SLC6A16: variants seen among roughly 807,000 people sequenced by gnomAD.
The protein encoded by SLC6A16 is orphan sodium- and chloride-dependent neurotransmitter transporter NTT5.
SLC6A16 carries 54 observed loss-of-function variants against 65.4 expected under a neutral mutation model. The observed-to-expected ratio is 0.83, with a 90% CI of 0.66 to 1.04. The LOEUF (loss-of-function observed/expected upper bound fraction) is 1.04, where lower values mean the gene tolerates loss of function less well. Among genes scored for constraint, SLC6A16 ranks in the 50% least tolerant of loss-of-function variants. The probability of loss-of-function intolerance (pLI) is 0.00; values close to 1 mark genes in which losing one functional copy is unlikely to be tolerated. For synonymous variants in SLC6A16, 330 were observed against 346.5 expected, an observed-to-expected ratio of 0.95 and a Z score of 0.53; for missense variants, 816 against 914.0, an observed-to-expected ratio of 0.89 and a Z score of 1.38.
chr19:49,325,090 C>T lies in SLC6A16; in HGVS notation c.-107G>A, dbSNP rs1970777841. ...TGCCAGGTTCTTCAGTCCAGCCAGT[C>T]GGACAAAAATGAGGGTGAAGAAGCC... On this transcript the variant is annotated 5_prime_UTR_variant, in exon 1 of 12. Transcript: ENST00000335875. 14 of 985,504 alleles carry T rather than the reference C, an allele frequency of 1.4e-5. No homozygotes were observed. Among genetic ancestry groups the T allele is most frequent in the African/African-American group, 5.2e-5 (3 of 57,248 alleles). 61.0% of individuals were successfully genotyped at this position (985,504 alleles called of 1,614,324 possible).
intron 9 of SLC6A16, 54 bp downstream of exon 9, chr19:49,293,773 C>T: frequency 6.7e-7 from 1 of 1,500,194 alleles, no homozygotes; most frequent in South Asian, 1.1e-5. Context: ...AAAAGAGTCC[C>T]AGTGGTGTCA....
Position 49,290,335 on chromosome 19 carries a change from A to G in SLC6A16, c.1999T>C (p.Phe667Leu). Residue 667 changes from phenylalanine (F) to leucine (L), a missense_variant, in exon 12 of 12, where the codon TTT becomes CTT. Coordinates refer to ENST00000335875, the MANE Select transcript of SLC6A16 (RefSeq NM_014037.3). ...GGGATGGGGAGGATGACAATGGCAA[A>G]AAGGGTGATCATCAAGAGCAGTGCC... ...PWALLLMITL[F>L]AIVILPIPAY... is the part of the protein sequence containing the mutation. 1.2e-6 allele frequency: 2 copies of G among 1,614,088 alleles called. No homozygotes were observed. The highest frequency in any genetic ancestry group is 1.7e-6 in the Non-Finnish European group (2 of 1,180,016).
the SLC6A16 span, among the ~76,000 whole-genome samples, chr19:49,333,804 G>T: frequency 6.6e-6 from 1 of 152,182 alleles, no homozygotes; most frequent in African/African-American, 2.4e-5. Context: ...TAGATGGTGG[G>T]GCTGCCTCAG....
chr19:49,291,694 T>C (rs1246078967), intron 10 of SLC6A16, among the ~76,000 whole-genome samples: 1 of 152,052 alleles, frequency 6.6e-6, no homozygotes, highest in Non-Finnish European at 1.5e-5. Context: ...GGGAAACTTA[T>C]CTAGTTTATT....
Position 49,310,072 on chromosome 19 carries a change from T to C in SLC6A16, c.668A>G (p.Lys223Arg). 1 of 1,614,152 alleles carries C rather than the reference T, an allele frequency of 6.2e-7. No individual in the cohort carries two copies. The highest frequency in any genetic ancestry group is 8.5e-7 in the Non-Finnish European group (1 of 1,180,038). Residue 223 changes from lysine (K) to arginine (R), a missense_variant, in exon 4 of 12, where the codon AAA (lysine) becomes AGA (arginine). Coordinates refer to ENST00000335875, the MANE Select transcript of SLC6A16 (RefSeq NM_014037.3). ...QSFQFPVPWE[K>R]CPLTMNSSGF... is the part of the protein sequence containing the mutation. ...ACTAGAGTTCATCGTTAAGGGACATTTCTCCCATGGAACGGGAAACTGGAA... is the reference window on the plus strand; with the variant it reads ...ACTAGAGTTCATCGTTAAGGGACATCTCTCCCATGGAACGGGAAACTGGAA...
At chr19:49,311,924 G>A (rs903160770) in intron 1 of SLC6A16, among the ~76,000 whole-genome samples, 2 of 150,972 alleles carry the variant, frequency 1.3e-5, no homozygotes, top group African/African-American at 4.9e-5. Flanking sequence ...CCAAGAGTCA[G>A]GAATCCCTGA....
the SLC6A16 span, among the ~76,000 whole-genome samples, chr19:49,330,759 T>C: frequency 6.6e-6 from 1 of 152,034 alleles, no homozygotes; most frequent in Admixed American, 6.5e-5. Context: ...CTGGCCAACA[T>C]GGTGAAACCC....
At position 49,294,350 on chromosome 19, in the gene SLC6A16, C is replaced by T. The variant is rs750252497; in HGVS notation, c.1416+17G>A. Reference sequence around the variant, plus strand: ...TTTCAGGAACTCTAGGCTCCCCCCTCAGCTATGTTTACTGACCTTAAGAAA... The same window carrying T: ...TTTCAGGAACTCTAGGCTCCCCCCTTAGCTATGTTTACTGACCTTAAGAAA... On this transcript the variant is annotated intron_variant, in intron 8 of 11. Transcript: ENST00000335875. 6.2e-7 allele frequency: 1 copy of T among 1,612,242 alleles called. No homozygotes were observed. Among genetic ancestry groups the T allele is most frequent in the Non-Finnish European group, 8.5e-7 (1 of 1,178,954 alleles).
At chr19:49,339,961 G>C in the SLC6A16 span, 4 of 1,409,600 alleles carry the variant, frequency 2.8e-6, no homozygotes, top group Non-Finnish European at 3.7e-6. The surrounding 1 kb of genome is among the most constrained non-coding windows in gnomAD (Gnocchi z 4.5). Flanking sequence ...ACAATTAGAG[G>C]CTGAGGCAGA....
Position 49,311,226 on chromosome 19 carries a change from G to C in SLC6A16, c.122C>G (p.Ser41Cys). Residue 41 changes from serine (S) to cysteine (C), a missense_variant, in exon 2 of 12, where the codon TCT (serine) becomes TGT (cysteine). By Grantham distance (112) the Ser-to-Cys change is moderately radical. Coordinates refer to ENST00000335875, the MANE Select transcript of SLC6A16 (RefSeq NM_014037.3). ...TWEDKGSLTRSATSWTSEAQV... is the reference protein window; with the variant it reads ...TWEDKGSLTRCATSWTSEAQV... ...GGCCTCTGAGGTCCAAGATGTTGCAGACCGGGTCAATGAACCCTTGTCTTC... is the reference window on the plus strand; with the variant it reads ...GGCCTCTGAGGTCCAAGATGTTGCACACCGGGTCAATGAACCCTTGTCTTC... The C allele has an allele frequency of 6.2e-7, 1 of 1,614,146 alleles. No individual in the cohort carries two copies. Among genetic ancestry groups the C allele is most frequent in the Non-Finnish European group, 8.5e-7 (1 of 1,180,012 alleles).
At chr19:49,299,053 G>A (rs974127699) in intron 7 of SLC6A16, among the ~76,000 whole-genome samples, 1 of 151,706 alleles carries the variant, frequency 6.6e-6, no homozygotes, top group African/African-American at 2.4e-5. Flanking sequence ...AGACCATCCT[G>A]GCTAACACGG....
At chr19:49,339,290 C>T in the SLC6A16 span, 1 of 1,570,666 alleles carries the variant, frequency 6.4e-7, no homozygotes, top group Non-Finnish European at 8.8e-7. The surrounding 1 kb of genome is among the most constrained non-coding windows in gnomAD (Gnocchi z 4.5). Flanking sequence ...GCTTGAGAGT[C>T]CCAGAAAGAA....
chr19:49,294,496 C>T lies in SLC6A16; in HGVS notation c.1287G>A (p.Lys429=). 6.2e-7 allele frequency: 1 copy of T among 1,613,954 alleles called. No individual in the cohort carries two copies. ...INLGKLPPDA[K]PPVNLLYNPT... is the part of the protein sequence containing the mutation. ...GGTTGTAAAGCAGGTTGACAGGGGG[C>T]TTGGCATCAGGAGGCAGTTTCCCTA... Residue 429 remains lysine, a synonymous_variant, in exon 8 of 12, where the codon AAG becomes AAA. Coordinates refer to ENST00000335875, the MANE Select transcript of SLC6A16 (RefSeq NM_014037.3).
At chr19:49,291,150 G>A (rs552812260) in intron 10 of SLC6A16, among the ~76,000 whole-genome samples, 71 of 152,270 alleles carry the variant, frequency 4.7e-4, no homozygotes, top group Non-Finnish European at 8.8e-4. Context: ...AACTTATCTA[G>A]TTTATTTCAG....
intron 7 of SLC6A16, among the ~76,000 whole-genome samples, chr19:49,308,366 T>G (rs943097718): frequency 1.2e-4 from 18 of 152,114 alleles, no homozygotes; most frequent in Non-Finnish European, 2.1e-4. Context: ...GGCAGGAGAA[T>G]GGCTTGAACC....
chr19:49,313,791 T>C (rs1030914503), intron 1 of SLC6A16, among the ~76,000 whole-genome samples: 14 of 151,250 alleles, frequency 9.3e-5, no homozygotes, highest in Non-Finnish European at 2.1e-4. Flanking sequence ...TAAGACTCTG[T>C]CTCAAAAAAA....
At chr19:49,326,279 T>C (rs1970796390), upstream of SLC6A16, among the ~76,000 whole-genome samples, 1 of 152,212 alleles carries the variant, frequency 6.6e-6, no homozygotes, top group African/African-American at 2.4e-5. Flanking sequence ...TGGATTCTCA[T>C]ATCTGCTTCT....
In SLC6A16 at chr19:49,311,386, G is replaced by A; in HGVS notation, c.-39C>T. 1.3e-6 allele frequency: 2 copies of A among 1,524,028 alleles called. No individual in the cohort carries two copies. Among genetic ancestry groups the A allele is most frequent in the Non-Finnish European group, 1.8e-6 (2 of 1,137,582 alleles). 94.4% of individuals were successfully genotyped at this position (1,524,028 alleles called of 1,614,324 possible). A position where few individuals can be genotyped will look rare whatever the true frequency, so the allele number is the denominator to read the frequency against. On this transcript the variant is annotated 5_prime_UTR_variant, in exon 2 of 12. Transcript: ENST00000335875. Reference sequence around the variant, plus strand: ...TCTGGGGCAGCTCCCGCTTCTGCAAGGGAGGGTTCATCTTCCTGAGGAGAC... The same window carrying A: ...TCTGGGGCAGCTCCCGCTTCTGCAAAGGAGGGTTCATCTTCCTGAGGAGAC...
At chr19:49,325,475 G>C (rs1970785261), upstream of SLC6A16, among the ~76,000 whole-genome samples, 1 of 152,260 alleles carries the variant, frequency 6.6e-6, no homozygotes, top group Non-Finnish European at 1.5e-5. Context: ...TAAGGAAGAA[G>C]AGGGTAGGAA....
Sources: allele counts gnomAD v4.1 joint callset (sites outside exome capture counted in the v4.1 genomes callset), GRCh38; gene constraint gnomAD v4.1.1; non-coding constraint Gnocchi (gnomAD v3.1); transcripts MANE v1.5; gene names NCBI Gene and HGNC (gene_info 2026-07-23, HGNC 2026-07-21).